Variants in CACNA1A observed in about 807,000 individuals in gnomAD.
CACNA1A encodes calcium voltage-gated channel subunit alpha1 A.
CACNA1A carries 57 observed loss-of-function variants against 262.4 expected under a neutral mutation model. The observed-to-expected ratio is 0.22, with a 90% CI of 0.18 to 0.27. The LOEUF (loss-of-function observed/expected upper bound fraction) is 0.27, where lower values mean the gene tolerates loss of function less well. Ranked by LOEUF, CACNA1A falls within the 10% of genes least tolerant of loss-of-function variation. The probability of loss-of-function intolerance (pLI) is 1.00; values close to 1 mark genes in which losing one functional copy is unlikely to be tolerated. For synonymous variants in CACNA1A, 1,431 were observed against 1,419.3 expected (o/e 1.01, Z -0.18); for missense variants, 2,526 against 3,562.8 (o/e 0.71, Z 7.41).
intron 2 of CACNA1A, among the ~76,000 whole-genome samples, chr19:13,454,138 G>A (rs188952593): frequency 6.6e-6 from 1 of 151,918 alleles, no homozygotes; most frequent in East Asian, 2.0e-4. Context: ...ATGATTAGAG[G>A]TTTGGATTTA....
chr19:13,401,057 C>A (rs1248028919), intron 3 of CACNA1A, among the ~76,000 whole-genome samples: 1 of 152,138 alleles, frequency 6.6e-6, no homozygotes, highest in African/African-American at 2.4e-5. Context: ...ATCCTGACCT[C>A]AGGTGATCTG....
intron 3 of CACNA1A, among the ~76,000 whole-genome samples, chr19:13,404,722 A>C (rs943936496): frequency 2.0e-5 from 3 of 152,134 alleles, no homozygotes; most frequent in African/African-American, 7.2e-5. Context: ...ACAGCTCCAA[A>C]GTGCTTTCCA....
chr19:13,392,734 CCCTTCCTT>C (rs1203243120), intron 3 of CACNA1A, among the ~76,000 whole-genome samples: 2 of 151,722 alleles, frequency 1.3e-5, no homozygotes, highest in African/African-American at 4.8e-5. Context: ...TTCCTTCCTT[CCCTTCCTT>C]CCTTCCTTTC....
chr19:13,380,662 A>AT (rs1215796683), intron 3 of CACNA1A, among the ~76,000 whole-genome samples: 1 of 151,066 alleles, frequency 6.6e-6, no homozygotes, highest in African/African-American at 2.4e-5. Flanking sequence ...AAAAAAAAAA[A>AT]AAAAAAAAAT....
In CACNA1A at chr19:13,313,498, T is replaced by TAAAAAAAAAAAAAAAAAAAA. The variant is rs1007419624; in HGVS notation, c.1556-737_1556-718dup. ...CTGGGTGACAGAGCAAGACCTTGTCTAAAAAAAAAAAAAAAAAAAAAAAGC... is the reference window on the plus strand; with the variant it reads ...CTGGGTGACAGAGCAAGACCTTGTCTAAAAAAAAAAAAAAAAAAAAAAAAAAAAAAAAAAAAAAAAAAAGC... On this transcript the variant is annotated intron_variant, in intron 11 of 46. Transcript: ENST00000360228. 3.0e-5 allele frequency among the ~76,000 whole-genome samples: 2 copies of TAAAAAAAAAAAAAAAAAAAA among 65,710 alleles called. 1 individual carries two copies. The highest frequency in any genetic ancestry group is 1.3e-4 in the African/African-American group (2 of 15,008). The allele number at this position is 65,710 out of a possible 152,430, so 43.1% of individuals were successfully genotyped here.
At chr19:13,268,464 C>T (rs916604261) in intron 24 of CACNA1A, among the ~76,000 whole-genome samples, 42 of 149,818 alleles carry the variant, frequency 2.8e-4, no homozygotes, top group African/African-American at 7.9e-4. Flanking sequence ...AACGGAGTCT[C>T]GCTCTGTCGC....
chr19:13,227,275 C>T (rs2055489237), intron 37 of CACNA1A, 156 bp downstream of exon 37: 10 of 426,154 alleles, frequency 2.3e-5, no homozygotes, highest in Non-Finnish European at 3.9e-5. Context: ...TCAGTTGACT[C>T]GAGAAAAGAA....
chr19:13,234,048 T>TCCAAAAAA (rs1555737724), intron 34 of CACNA1A, among the ~76,000 whole-genome samples: 1 of 102,330 alleles, frequency 9.8e-6, no homozygotes, highest in African/African-American at 4.0e-5. Context: ...AGACTCCATC[T>TCCAAAAAA]AAAAAAAAAA....
chr19:13,442,638 C>T (rs750791714), intron 3 of CACNA1A, among the ~76,000 whole-genome samples: 1 of 152,220 alleles, frequency 6.6e-6, no homozygotes, highest in Non-Finnish European at 1.5e-5. Context: ...GTTTTACTCC[C>T]TTTTTCCAGG....
chr19:13,221,250 T>TCTTTCTTTCTTTCTCTTTCTTTCTC (rs1600107645), intron 38 of CACNA1A, among the ~76,000 whole-genome samples: 1 of 69,950 alleles, frequency 1.4e-5, no homozygotes, highest in South Asian at 5.2e-4. Context: ...TTTTTTTTTT[T>TCTTTCTTTCTTTCTCTTTCTTTCTC]TGAGACAGAG....
At chr19:13,473,168 T>C (rs1428194825) in intron 1 of CACNA1A, among the ~76,000 whole-genome samples, 1 of 151,624 alleles carries the variant, frequency 6.6e-6, no homozygotes, top group Non-Finnish European at 1.5e-5. Context: ...GTGGGAGGAT[T>C]GTTTGATGCT....
At chr19:13,228,321 G>A (rs2144614453) in intron 36 of CACNA1A, among the ~76,000 whole-genome samples, 2 of 151,896 alleles carry the variant, frequency 1.3e-5, no homozygotes, top group Non-Finnish European at 2.9e-5. Flanking sequence ...AGGGCTAGGG[G>A]CTTTGGGAGG....
At chr19:13,336,592 A>AGGGAGAGAGAGG (rs2058572110) in intron 6 of CACNA1A, among the ~76,000 whole-genome samples, 6 of 92,962 alleles carry the variant, frequency 6.5e-5, no homozygotes, top group South Asian at 1.1e-3. Context: ...AGAGAGAGAG[A>AGGGAGAGAGAGG]GGGAGAGAGA....
chr19:13,501,411 T>C (rs1982365186), intron 1 of CACNA1A, among the ~76,000 whole-genome samples: 1 of 152,004 alleles, frequency 6.6e-6, no homozygotes, highest in South Asian at 2.1e-4. Context: ...CCTGACCTCA[T>C]GATCCACCGG....
Position 13,470,650 on chromosome 19 carries a change from C to T in CACNA1A, c.294-15438G>A, listed in dbSNP as rs113269594. Among the ~76,000 whole-genome samples the T allele has an allele frequency of 8.2e-3, 1,244 of 152,322 alleles. 11 individuals are homozygous for T. The highest frequency in any genetic ancestry group is 0.014 in the Admixed American group (218 of 15,302). Reference sequence around the variant, plus strand: ...ATCCACTCATTGCCCTGTTTGGCATCCTGGTAGAGGCAGGGCTGACTTCTG... The same window carrying T: ...ATCCACTCATTGCCCTGTTTGGCATTCTGGTAGAGGCAGGGCTGACTTCTG... On this transcript the variant is annotated intron_variant, in intron 1 of 46. Coordinates refer to ENST00000360228, the MANE Select transcript of CACNA1A (RefSeq NM_001127222.2).
chr19:13,404,336 A>C (rs2059964173), intron 3 of CACNA1A, among the ~76,000 whole-genome samples: 1 of 152,180 alleles, frequency 6.6e-6, no homozygotes, highest in Admixed American at 6.5e-5. Context: ...CACTGTATTC[A>C]GCCTCATGCC....
At chr19:13,210,058 C>T (rs1396651395) in intron 44 of CACNA1A, among the ~76,000 whole-genome samples, 2 of 151,982 alleles carry the variant, frequency 1.3e-5, no homozygotes, top group African/African-American at 4.8e-5. Context: ...CTGGTGAGGC[C>T]CAAGCTAGGG....
chr19:13,277,047 C>T (rs1364097881), intron 23 of CACNA1A, 22 bp downstream of exon 23: 8 of 1,573,762 alleles, frequency 5.1e-6, no homozygotes, highest in Non-Finnish European at 6.1e-6. Context: ...ACCGTGTGTT[C>T]TCACTTATAA....
intron 3 of CACNA1A, among the ~76,000 whole-genome samples, chr19:13,391,070 A>G (rs925602966): frequency 1.3e-5 from 2 of 152,146 alleles, no homozygotes; most frequent in African/African-American, 4.8e-5. Flanking sequence ...GTATTTTAGT[A>G]GAGATGGGGT....
Sources: allele counts gnomAD v4.1 joint callset (sites outside exome capture counted in the v4.1 genomes callset), GRCh38; gene constraint gnomAD v4.1.1; transcripts MANE v1.5; gene names NCBI Gene and HGNC (gene_info 2026-07-23, HGNC 2026-07-21).